Variants in THSD7B observed in about 807,000 individuals in gnomAD.
THSD7B encodes thrombospondin type-1 domain-containing protein 7B.
Under a neutral mutation model 213.6 loss-of-function variants are expected in THSD7B, and 138 were observed. That is an observed-to-expected ratio of 0.65 (90% CI 0.56 to 0.74). The LOEUF (loss-of-function observed/expected upper bound fraction) is 0.74. Ranked by LOEUF, THSD7B falls within the 30% of genes least tolerant of loss-of-function variation. The pLI is 0.00. For missense variants in THSD7B, 1,931 were observed against 1,991.5 expected (o/e 0.97, Z 0.58); for synonymous variants, 742 against 687.0 (o/e 1.08, Z -1.25).
chr2:136,901,807 C>T (rs1192345479), intron 2 of THSD7B, among the ~76,000 whole-genome samples: 1 of 152,238 alleles, frequency 6.6e-6, no homozygotes, highest in Admixed American at 6.5e-5. Context: ...TTGTATTCAG[C>T]ATTAAAGCCA....
chr2:137,190,534 A>G (rs1680636562), intron 7 of THSD7B, among the ~76,000 whole-genome samples: 1 of 152,102 alleles, frequency 6.6e-6, no homozygotes. Flanking sequence ...TTCTGAACCC[A>G]TCGACTTTGA....
intron 1 of THSD7B, among the ~76,000 whole-genome samples, chr2:136,780,780 T>C (rs1681727001): frequency 6.6e-6 from 1 of 152,250 alleles, no homozygotes; most frequent in Admixed American, 6.5e-5. Context: ...GATGTGCATT[T>C]AAATACAAAG....
intron 3 of THSD7B, among the ~76,000 whole-genome samples, chr2:137,062,300 A>AT (rs564842082): frequency 6.6e-6 from 1 of 150,434 alleles, no homozygotes; most frequent in Non-Finnish European, 1.5e-5. Context: ...GGTTTTGTTG[A>AT]TTTTTTTCTA....
chr2:136,927,993 G>A (rs1215148423), intron 2 of THSD7B, among the ~76,000 whole-genome samples: 1 of 152,208 alleles, frequency 6.6e-6, no homozygotes, highest in East Asian at 1.9e-4. Flanking sequence ...ATACCTCTCT[G>A]AAAGTCAGCC....
chr2:137,196,706 A>G (rs1290581392), intron 7 of THSD7B, among the ~76,000 whole-genome samples: 1 of 152,162 alleles, frequency 6.6e-6, no homozygotes, highest in Non-Finnish European at 1.5e-5. Context: ...AAATTATTAA[A>G]AATATTGTAT....
intron 12 of THSD7B, among the ~76,000 whole-genome samples, chr2:137,290,892 C>A (rs1162817256): frequency 6.6e-6 from 1 of 152,096 alleles, no homozygotes; most frequent in Admixed American, 6.6e-5. Flanking sequence ...TGTTGATATC[C>A]ACCTGAGAAT....
chr2:137,281,516 T>A (rs2104818290), intron 12 of THSD7B, among the ~76,000 whole-genome samples: 1 of 152,188 alleles, frequency 6.6e-6, no homozygotes, highest in South Asian at 2.1e-4. Context: ...CACTAACTCG[T>A]CATCTAGCAT....
At chr2:136,894,244 CA>C (rs1683912047) in intron 2 of THSD7B, among the ~76,000 whole-genome samples, 4 of 88,204 alleles carry the variant, frequency 4.5e-5, no homozygotes, top group Non-Finnish European at 1.1e-4. Context: ...TGCTATGTTG[CA>C]AAAGAGTGCT....
intron 2 of THSD7B, among the ~76,000 whole-genome samples, chr2:137,013,352 G>A (rs930982118): frequency 3.3e-5 from 5 of 152,172 alleles, no homozygotes. Context: ...GAGTTTCCAA[G>A]TCACAGCACA....
At position 137,569,793 on chromosome 2, in the gene THSD7B, A is replaced by AATTATT. The variant is rs10677104; in HGVS notation, c.3273-2599_3273-2594dup. On this transcript the variant is annotated intron_variant, in intron 16 of 27. Transcript: ENST00000409968. ...TTGTGGAGTAATGCCTTTCCCTCCC[A>AATTATT]ATTATTATTATTATTATTAATTATT... is the stretch of plus-strand genomic sequence containing the variant. Among the ~76,000 whole-genome samples the AATTATT allele has an allele frequency of 4.2e-4, 63 of 150,074 alleles. No individual in the cohort carries two copies. In the East Asian group the frequency reaches 4.7e-3, roughly 11 times the overall value.
intron 2 of THSD7B, among the ~76,000 whole-genome samples, chr2:137,018,431 T>C (rs1036903042): frequency 6.6e-6 from 1 of 152,172 alleles, no homozygotes; most frequent in Admixed American, 6.5e-5. Context: ...AAGAATAAAC[T>C]GAGATAATCT....
intron 10 of THSD7B, among the ~76,000 whole-genome samples, chr2:137,264,586 C>G (rs1408238142): frequency 6.6e-6 from 1 of 152,038 alleles, no homozygotes; most frequent in Non-Finnish European, 1.5e-5. Context: ...AATTTTTTTC[C>G]AAGTCCAAGT....
intron 1 of THSD7B, among the ~76,000 whole-genome samples, chr2:136,776,496 T>C (rs1477587253): frequency 1.3e-5 from 2 of 152,150 alleles, no homozygotes; most frequent in Non-Finnish European, 2.9e-5. Context: ...TTTGAAAACC[T>C]GTGATGCTCA....
In THSD7B at chr2:137,349,985, C is replaced by T. The variant is rs751545189; in HGVS notation, c.2501-55628C>T. Among the ~76,000 whole-genome samples, 36 of 151,872 alleles carry T rather than the reference C, an allele frequency of 2.4e-4. 1 individual carries two copies. The Middle Eastern group carries it at 0.02, about 86-fold the overall frequency. On this transcript the variant is annotated intron_variant, in intron 12 of 27. Transcript: ENST00000409968. ...GGAACACACAGTTTGGGGCCAGAGA[C>T]AGTGATATTGCTATCAAGTATCACT... is the stretch of plus-strand genomic sequence containing the variant.
At chr2:136,812,924 A>T (rs943112158) in intron 1 of THSD7B, among the ~76,000 whole-genome samples, 2 of 152,228 alleles carry the variant, frequency 1.3e-5, no homozygotes, top group African/African-American at 4.8e-5. Flanking sequence ...TCATATAAGT[A>T]GTCATTACTG....
intron 6 of THSD7B, among the ~76,000 whole-genome samples, chr2:137,162,308 A>G (rs112095207): frequency 0.012 from 1,850 of 152,332 alleles, 13 homozygotes; most frequent in Non-Finnish European, 0.018. Context: ...AGCAGAAAGA[A>G]ATGTCTTTTC....
At chr2:136,805,157 C>T (rs1285899280) in intron 1 of THSD7B, among the ~76,000 whole-genome samples, 1 of 152,280 alleles carries the variant, frequency 6.6e-6, no homozygotes, top group South Asian at 2.1e-4. Context: ...ACCATATAGA[C>T]TGCATCTTCA....
At chr2:136,998,261 C>CAAAAA (rs33931359) in intron 2 of THSD7B, among the ~76,000 whole-genome samples, 17 of 98,384 alleles carry the variant, frequency 1.7e-4, no homozygotes, top group Non-Finnish European at 2.6e-4. Flanking sequence ...ACTAAAAGGC[C>CAAAAA]AAAAAAAAAA....
intron 2 of THSD7B, among the ~76,000 whole-genome samples, chr2:137,026,344 G>A (rs552200590): frequency 2.0e-5 from 3 of 152,282 alleles, no homozygotes; most frequent in East Asian, 3.9e-4. Flanking sequence ...TGCCCTCTCA[G>A]AAGATCTGTC....
Sources: gnomAD v4.1 joint callset for allele counts (sites outside exome capture counted in the v4.1 genomes callset) on GRCh38, gnomAD v4.1.1 for gene constraint, MANE v1.5 for transcripts, NCBI Gene and HGNC (gene_info 2026-07-23, HGNC 2026-07-21) for gene names.